Variants in MBD5 observed in about 807,000 individuals in gnomAD.
MBD5 encodes the protein methyl-CpG-binding domain protein 5.
In MBD5, 13 loss-of-function variants were observed where a neutral mutation model predicts 117.3. The observed-to-expected ratio is 0.11, with a 90% CI of 0.07 to 0.18. The LOEUF (loss-of-function observed/expected upper bound fraction) is 0.18. MBD5 is among the 10% of genes least tolerant of loss of function. The probability of loss-of-function intolerance (pLI) is 1.00; values close to 1 mark genes in which losing one functional copy is unlikely to be tolerated. For synonymous variants in MBD5, 727 were observed against 766.4 expected, an observed-to-expected ratio of 0.95 and a Z score of 0.85; for missense variants, 1,879 against 2,093.8, an observed-to-expected ratio of 0.90 and a Z score of 2.00.
Position 148,513,050 on chromosome 2 carries a change from G to A in MBD5, c.*109G>A, listed in dbSNP as rs1682265381. Reference sequence around the variant, plus strand: ...TTATATCAATATTTAGACTATGGCAGATAGCTACCACCACCACAGGGTGCT... The same window carrying A: ...TTATATCAATATTTAGACTATGGCAAATAGCTACCACCACCACAGGGTGCT... On this transcript the variant is annotated 3_prime_UTR_variant, in exon 14 of 14. Coordinates refer to ENST00000642680, the MANE Select transcript of MBD5 (RefSeq NM_001378120.1). 9.0e-6 allele frequency: 10 copies of A among 1,105,232 alleles called. No individual in the cohort carries two copies. The highest frequency in any genetic ancestry group is 8.2e-6 in the Non-Finnish European group (6 of 733,474). 68.5% of individuals were successfully genotyped at this position (1,105,232 alleles called of 1,614,324 possible).
intron 1 of MBD5, among the ~76,000 whole-genome samples, chr2:148,152,151 C>T (rs192878631): frequency 9.9e-5 from 15 of 152,140 alleles, no homozygotes; most frequent in South Asian, 2.1e-4. Flanking sequence ...TCTTTGTTCT[C>T]GTTGGTTTCA....
chr2:148,275,997 T>C (rs1202756323), intron 3 of MBD5, among the ~76,000 whole-genome samples: 1 of 152,164 alleles, frequency 6.6e-6, no homozygotes. Context: ...TTCTTGGATA[T>C]TTATATTTTT....
At position 148,366,179 on chromosome 2, in the gene MBD5, G is replaced by A. The variant is rs57355164; in HGVS notation, c.-557+23843G>A. Among the ~76,000 whole-genome samples, 832 of 152,048 alleles carry A rather than the reference G, an allele frequency of 5.5e-3. 9 individuals carry two copies. The highest frequency in any genetic ancestry group is 0.019 in the African/African-American group (807 of 41,526). On this transcript the variant is annotated intron_variant, in intron 4 of 13. Coordinates refer to ENST00000642680, the MANE Select transcript of MBD5 (RefSeq NM_001378120.1). ...ATGCAAGCCTGGTTCAACACATGCA[G>A]ATCAATAAATGCAATCCATGACATA... is the stretch of plus-strand genomic sequence containing the variant.
chr2:148,161,498 A>G (rs2105747174), intron 1 of MBD5, among the ~76,000 whole-genome samples: 1 of 152,348 alleles, frequency 6.6e-6, no homozygotes, highest in East Asian at 1.9e-4. Context: ...TGTTGTCCAC[A>G]CAGAGAAAGT....
chr2:148,474,900 T>C (rs1173950425), intron 8 of MBD5, among the ~76,000 whole-genome samples: 1 of 152,156 alleles, frequency 6.6e-6, no homozygotes, highest in Non-Finnish European at 1.5e-5. Context: ...TGTTTGTTCA[T>C]TTGTTCTTGG....
intron 3 of MBD5, among the ~76,000 whole-genome samples, chr2:148,305,848 A>G (rs192921207): frequency 6.6e-6 from 1 of 152,326 alleles, no homozygotes; most frequent in East Asian, 1.9e-4. Context: ...GTTTACAAGT[A>G]TATAATGAAA....
intron 4 of MBD5, among the ~76,000 whole-genome samples, chr2:148,395,512 C>T (rs1574377085): frequency 1.3e-5 from 2 of 149,914 alleles, no homozygotes; most frequent in South Asian, 4.2e-4. Context: ...GCAACCTCTG[C>T]CTCCCAGGCT....
intron 4 of MBD5, among the ~76,000 whole-genome samples, chr2:148,400,262 A>G (rs1427582968): frequency 3.9e-5 from 6 of 152,060 alleles, no homozygotes; most frequent in Admixed American, 3.3e-4. Flanking sequence ...TATTCCCCAG[A>G]AAGAATCCTA....
At chr2:148,323,035 C>T in intron 3 of MBD5, among the ~76,000 whole-genome samples, 1 of 149,988 alleles carries the variant, frequency 6.7e-6, no homozygotes, top group Non-Finnish European at 1.5e-5. Flanking sequence ...GTGATGTTCC[C>T]CTTCCTGTGT....
At chr2:148,345,316 C>CAT (rs768048461) in intron 4 of MBD5, among the ~76,000 whole-genome samples, 159 of 146,360 alleles carry the variant, frequency 1.1e-3, no homozygotes, top group East Asian at 2.4e-3. Flanking sequence ...TATACACACA[C>CAT]ATATATATAT....
At chr2:148,337,452 T>G (rs1179727375) in intron 3 of MBD5, among the ~76,000 whole-genome samples, 1 of 152,180 alleles carries the variant, frequency 6.6e-6, no homozygotes, top group South Asian at 2.1e-4. Context: ...ACAAAACATC[T>G]TACACGAAGA....
intron 3 of MBD5, among the ~76,000 whole-genome samples, chr2:148,262,630 T>C (rs1191363884): frequency 6.6e-6 from 1 of 152,186 alleles, no homozygotes; most frequent in African/African-American, 2.4e-5. Flanking sequence ...AAGTAATTTG[T>C]CCAAGGTCAT....
rs57011820 is a variant in MBD5, at chr2:148,208,655, CTT to C, written c.-830-24576_-830-24575del. On this transcript the variant is annotated intron_variant, in intron 2 of 13. Coordinates refer to ENST00000642680, the MANE Select transcript of MBD5 (RefSeq NM_001378120.1). ...CCTTTTTCATTTTTGGTTATCTGTT[CTT>C]TTTTTTTTTTTTTCCAAGGTTGCCT... Among the ~76,000 whole-genome samples the C allele has an allele frequency of 1.0e-3, 143 of 137,988 alleles. 1 individual carries two copies. The highest frequency in any genetic ancestry group is 2.8e-3 in the Admixed American group (39 of 13,974). The allele number at this position is 137,988 out of a possible 152,430, so 90.5% of individuals were successfully genotyped here. A position where few individuals can be genotyped will look rare whatever the true frequency, so the allele number is the denominator to read the frequency against.
chr2:148,197,794 G>GTTTTTTTTTTTTTTTTTTTTTTT (rs56029734), intron 2 of MBD5, among the ~76,000 whole-genome samples: 1 of 102,576 alleles, frequency 9.7e-6, no homozygotes, highest in Non-Finnish European at 1.9e-5. Flanking sequence ...AGCATCTGAG[G>GTTTTTTTTTTTTTTTTTTTTTTT]TTTTTTTTTT....
intron 6 of MBD5, 45 bp downstream of exon 6, chr2:148,462,729 G>A (rs1274616289): frequency 1.6e-6 from 2 of 1,241,036 alleles, no homozygotes; most frequent in Admixed American, 1.7e-5. Flanking sequence ...TATTTTTTAG[G>A]TATTTTGTAT....
At chr2:148,025,434 CATTTTAGACA>C (rs1693865319) in intron 1 of MBD5, 1 of 151,650 alleles carries the variant, frequency 6.6e-6, no homozygotes, top group Non-Finnish European at 1.5e-5. Flanking sequence ...ATAGTTAACA[CATTTTAGACA>C]ATGAAAATAG....
At chr2:148,135,892 C>T (rs1393943830) in intron 1 of MBD5, among the ~76,000 whole-genome samples, 1 of 152,116 alleles carries the variant, frequency 6.6e-6, no homozygotes, top group African/African-American at 2.4e-5. Flanking sequence ...TCAGCAAAGG[C>T]GAAGACCTCT....
chr2:148,377,196 G>A (rs1049825923), intron 4 of MBD5, among the ~76,000 whole-genome samples: 7 of 152,006 alleles, frequency 4.6e-5, no homozygotes, highest in African/African-American at 9.7e-5. Context: ...ACCTGGAGTC[G>A]GATGTTCAAA....
At chr2:148,382,462 T>G (rs987283251) in intron 4 of MBD5, among the ~76,000 whole-genome samples, 43 of 152,168 alleles carry the variant, frequency 2.8e-4, no homozygotes, top group Non-Finnish European at 5.4e-4. Context: ...AAGCAAGTCC[T>G]TAGTGACCTA....
Sources: gnomAD v4.1 joint callset for allele counts (sites outside exome capture counted in the v4.1 genomes callset) on GRCh38, gnomAD v4.1.1 for gene constraint, MANE v1.5 for transcripts, NCBI Gene and HGNC (gene_info 2026-07-23, HGNC 2026-07-21) for gene names.